LGR4: variants seen among roughly 807,000 people sequenced by gnomAD.
LGR4 encodes the protein leucine-rich repeat-containing G protein-coupled receptor 4.
A neutral mutation model predicts 84.8 loss-of-function variants in LGR4; 44 were observed. The observed-to-expected ratio is 0.52, with a 90% CI of 0.41 to 0.67. The LOEUF (loss-of-function observed/expected upper bound fraction) is 0.67. Ranked by LOEUF, LGR4 falls within the 30% of genes least tolerant of loss-of-function variation. The pLI, the probability that LGR4 is intolerant of heterozygous loss-of-function variation, is 0.00. For synonymous variants in LGR4, 429 were observed against 434.3 expected, an observed-to-expected ratio of 0.99 and a Z score of 0.15; for missense variants, 1,032 against 1,131.4, an observed-to-expected ratio of 0.91 and a Z score of 1.26.
Position 27,472,350 on chromosome 11 carries a change from C to T in LGR4, c.-48G>A. ...GGCCTCTCCCGCGGCGCTGCTCGCT[C>T]CGCTGCCCTCCGATGTCCCCCGCCG... On this transcript the variant is annotated 5_prime_UTR_variant, in exon 1 of 18. Coordinates refer to ENST00000379214, the MANE Select transcript of LGR4 (RefSeq NM_018490.5). The T allele has an allele frequency of 8.5e-7, 1 of 1,182,124 alleles. No individual in the cohort carries two copies. Among genetic ancestry groups the T allele is most frequent in the Non-Finnish European group, 1.0e-6 (1 of 952,468 alleles). 73.2% of individuals were successfully genotyped at this position (1,182,124 alleles called of 1,614,324 possible). A position where few individuals can be genotyped will look rare whatever the true frequency, so the allele number is the denominator to read the frequency against.
At chr11:27,404,092 T>A (rs10835176) in intron 2 of LGR4, among the ~76,000 whole-genome samples, 97 of 152,192 alleles carry the variant, frequency 6.4e-4, no homozygotes, top group Non-Finnish European at 1.2e-3. Flanking sequence ...ATCCTGCTAG[T>A]AGAAAATCAA....
chr11:27,462,835 AACTC>A (rs1472694352), intron 1 of LGR4, among the ~76,000 whole-genome samples: 1 of 152,032 alleles, frequency 6.6e-6, no homozygotes. Flanking sequence ...TGCCCTCCTG[AACTC>A]GGATGTCTTC....
At chr11:27,371,782 TAA>T in intron 16 of LGR4, 84 bp from the exon 17 acceptor site, 1 of 897,844 alleles carries the variant, frequency 1.1e-6, no homozygotes, top group Non-Finnish European at 1.8e-6. Flanking sequence ...TCTCTGTATA[TAA>T]GTGTGAGTTC....
intron 2 of LGR4, among the ~76,000 whole-genome samples, chr11:27,410,801 G>A (rs142506584): frequency 6.7e-4 from 102 of 152,144 alleles, no homozygotes; most frequent in African/African-American, 2.2e-3. Context: ...TTGATTTCAT[G>A]GGTTTCATTA....
intron 1 of LGR4, among the ~76,000 whole-genome samples, chr11:27,426,547 G>C (rs1309448847): frequency 6.6e-6 from 1 of 152,092 alleles, no homozygotes. Flanking sequence ...GTATAACCCT[G>C]GGCAAGTCCC....
intron 1 of LGR4, among the ~76,000 whole-genome samples, chr11:27,444,307 T>C (rs1435957688): frequency 6.6e-6 from 1 of 151,530 alleles, no homozygotes; most frequent in African/African-American, 2.4e-5. Flanking sequence ...GGCAGAAGAG[T>C]GCCAACTCAA....
At position 27,472,109 on chromosome 11, in the gene LGR4, C is replaced by G. The variant is rs754571728; in HGVS notation, c.185+9G>C. ...CCCCCCCCCTCGCGTCCCCGCCGCC[C>G]GCACTCACAGCGCTTGGGTGAAGGC... is the stretch of plus-strand genomic sequence containing the variant. On this transcript the variant is annotated intron_variant, in intron 1 of 17. Coordinates refer to ENST00000379214, the MANE Select transcript of LGR4 (RefSeq NM_018490.5). 3.0e-6 allele frequency: 4 copies of G among 1,312,496 alleles called. No individual in the cohort carries two copies. Among genetic ancestry groups the G allele is most frequent in the Non-Finnish European group, 9.7e-7 (1 of 1,033,384 alleles). The allele number at this position is 1,312,496 out of a possible 1,614,324, so 81.3% of individuals were successfully genotyped here.
intron 2 of LGR4, among the ~76,000 whole-genome samples, chr11:27,403,403 A>C (rs1419219449): frequency 6.6e-6 from 1 of 152,188 alleles, no homozygotes; most frequent in Non-Finnish European, 1.5e-5. Context: ...AGTGAGCTGC[A>C]CTGCATTCTA....
Position 27,367,849 on chromosome 11 carries a change from G to C in LGR4, c.*18C>G. On this transcript the variant is annotated 3_prime_UTR_variant, in exon 18 of 18. Transcript: ENST00000379214. Reference sequence around the variant, plus strand: ...ACTGATTTTGGTTGACGGGGGAAACGGTTACACACACAGTAGTTCAGTCTT... The same window carrying C: ...ACTGATTTTGGTTGACGGGGGAAACCGTTACACACACAGTAGTTCAGTCTT... 3 of 1,544,408 alleles carry C rather than the reference G, an allele frequency of 1.9e-6. No individual in the cohort carries two copies. The highest frequency in any genetic ancestry group is 2.6e-6 in the Non-Finnish European group (3 of 1,148,842).
chr11:27,432,022 C>A lies in LGR4; in HGVS notation c.186-19162G>T, dbSNP rs996478278. 9.1e-4 allele frequency among the ~76,000 whole-genome samples: 138 copies of A among 152,294 alleles called. No individual in the cohort carries two copies. In the Middle Eastern group the frequency reaches 0.017, roughly 19 times the overall value. On this transcript the variant is annotated intron_variant, in intron 1 of 17. Coordinates refer to ENST00000379214, the MANE Select transcript of LGR4 (RefSeq NM_018490.5). ...TCTATGCACATTGATTGTAATATGT[C>A]ACATCCTGCCGGTTATTATCCCCAG...
In LGR4 at chr11:27,450,304, C is replaced by T. The variant is rs150473193; in HGVS notation, c.185+21814G>A. Among the ~76,000 whole-genome samples the T allele has an allele frequency of 3.9e-3, 601 of 152,314 alleles. 5 individuals are homozygous for T. The highest frequency in any genetic ancestry group is 6.1e-3 in the Admixed American group (94 of 15,294). On this transcript the variant is annotated intron_variant, in intron 1 of 17. Coordinates refer to ENST00000379214, the MANE Select transcript of LGR4 (RefSeq NM_018490.5). ...TTGTCAGTAGAGACATGGGTATATT[C>T]CTCTACTTGAAACATGGTACAATTA...
At chr11:27,465,810 G>C (rs1864765717) in intron 1 of LGR4, among the ~76,000 whole-genome samples, 1 of 152,208 alleles carries the variant, frequency 6.6e-6, no homozygotes, top group African/African-American at 2.4e-5. Context: ...GAAATGTCAA[G>C]AGAGGCAGAC....
At chr11:27,452,266 G>T (rs1864493524) in intron 1 of LGR4, among the ~76,000 whole-genome samples, 1 of 152,074 alleles carries the variant, frequency 6.6e-6, no homozygotes, top group African/African-American at 2.4e-5. Flanking sequence ...TTTAAAAAAT[G>T]GTTTAAGACT....
intron 1 of LGR4, among the ~76,000 whole-genome samples, chr11:27,442,904 CA>C (rs2133434671): frequency 6.6e-6 from 1 of 152,228 alleles, no homozygotes; most frequent in East Asian, 1.9e-4. Flanking sequence ...AGGAGCTGTT[CA>C]CAGCAAAAGA....
intron 2 of LGR4, 93 bp downstream of exon 2, chr11:27,412,696 T>A: frequency 1.2e-6 from 1 of 819,606 alleles, no homozygotes; most frequent in East Asian, 2.4e-5. Flanking sequence ...TCAGAATGTC[T>A]AACAGAAAAC....
At chr11:27,469,205 G>C (rs1337687438) in intron 1 of LGR4, among the ~76,000 whole-genome samples, 1 of 152,160 alleles carries the variant, frequency 6.6e-6, no homozygotes, top group South Asian at 2.1e-4. Flanking sequence ...ACAGTACTGA[G>C]GATCACATCT....
At chr11:27,463,470 A>G (rs138681295) in intron 1 of LGR4, among the ~76,000 whole-genome samples, 147 of 152,218 alleles carry the variant, frequency 9.7e-4, no homozygotes, top group African/African-American at 3.4e-3. Context: ...CAGTTAATAA[A>G]CCCATAATGT....
intron 1 of LGR4, among the ~76,000 whole-genome samples, chr11:27,426,242 A>C (rs2133415131): frequency 6.6e-6 from 1 of 152,332 alleles, no homozygotes. Flanking sequence ...TTAACGACAG[A>C]TTTCCTCCCT....
At chr11:27,426,335 A>G (rs1427790371) in intron 1 of LGR4, among the ~76,000 whole-genome samples, 3 of 152,220 alleles carry the variant, frequency 2.0e-5, no homozygotes, top group African/African-American at 7.2e-5. Flanking sequence ...TTTCATTTAA[A>G]TACAAGTTAC....
Sources: allele counts gnomAD v4.1 joint callset (sites outside exome capture counted in the v4.1 genomes callset), GRCh38; gene constraint gnomAD v4.1.1; transcripts MANE v1.5; gene names NCBI Gene and HGNC (gene_info 2026-07-23, HGNC 2026-07-21).